RASGEF1C: variants seen among roughly 807,000 people sequenced by gnomAD.
The protein encoded by RASGEF1C is RasGEF domain family member 1C.
Under a neutral mutation model 58.1 loss-of-function variants are expected in RASGEF1C, and 27 were observed. That is an observed-to-expected ratio of 0.46 (90% CI 0.34 to 0.64). RASGEF1C has a LOEUF of 0.64. Among genes scored for constraint, RASGEF1C ranks in the 30% least tolerant of loss-of-function variants. The probability of loss-of-function intolerance (pLI) is 0.01; values close to 1 mark genes in which losing one functional copy is unlikely to be tolerated. For synonymous variants in RASGEF1C, 243 were observed against 246.3 expected (o/e 0.99, Z 0.13); for missense variants, 502 against 605.1 (o/e 0.83, Z 1.79).
chr5:180,202,760 T>G (rs1422088482), intron 1 of RASGEF1C, among the ~76,000 whole-genome samples: 17 of 151,124 alleles, frequency 1.1e-4, no homozygotes, highest in Non-Finnish European at 8.8e-5. Context: ...TGGAGTGCAG[T>G]GGCACAATCT....
At chr5:180,147,036 A>G (rs1471587725) in intron 1 of RASGEF1C, among the ~76,000 whole-genome samples, 1 of 151,748 alleles carries the variant, frequency 6.6e-6, no homozygotes, top group Non-Finnish European at 1.5e-5. Flanking sequence ...TCATGATTTC[A>G]GTTTCTAGGA....
intron 1 of RASGEF1C, among the ~76,000 whole-genome samples, chr5:180,199,857 A>C (rs1406789504): frequency 6.6e-6 from 1 of 152,124 alleles, no homozygotes; most frequent in East Asian, 1.9e-4. Flanking sequence ...ACGTGCATTC[A>C]AATTGTGGTT....
At position 180,168,927 on chromosome 5, in the gene RASGEF1C, C is replaced by T. The variant is rs1767062755; in HGVS notation, c.-6-30869G>A. Among the ~76,000 whole-genome samples, 1 of 152,162 alleles carries T rather than the reference C, an allele frequency of 6.6e-6. No individual in the cohort carries two copies. Among genetic ancestry groups the T allele is most frequent in the Non-Finnish European group, 1.5e-5 (1 of 68,036 alleles). ...GGTTCCATGCTGCCCTGAGTGCAGG[C>T]TTGGCTAGAGCGGGGGAAAAACGGC... On this transcript the variant is annotated intron_variant, in intron 1 of 13. Coordinates refer to ENST00000361132, the MANE Select transcript of RASGEF1C (RefSeq NM_175062.4). The surrounding 1 kb of genome is among the most constrained non-coding windows in gnomAD (Gnocchi z 6.0).
At chr5:180,109,320 T>C (rs1273497972) in intron 12 of RASGEF1C, among the ~76,000 whole-genome samples, 4 of 151,684 alleles carry the variant, frequency 2.6e-5, no homozygotes, top group Admixed American at 6.6e-5. Context: ...TAGCCGGGCG[T>C]GGTGGTGGGT....
intron 1 of RASGEF1C, among the ~76,000 whole-genome samples, chr5:180,153,999 C>T (rs1236154922): frequency 6.6e-6 from 1 of 152,174 alleles, no homozygotes; most frequent in African/African-American, 2.4e-5. Context: ...CCAGAAGCCC[C>T]AGGATGTTTA....
At chr5:180,187,847 A>G (rs927254432) in intron 1 of RASGEF1C, among the ~76,000 whole-genome samples, 1 of 152,240 alleles carries the variant, frequency 6.6e-6, no homozygotes, top group Non-Finnish European at 1.5e-5. Flanking sequence ...ACAGAAAGTG[A>G]TAAGTGTTGA....
intron 1 of RASGEF1C, among the ~76,000 whole-genome samples, chr5:180,174,438 G>A (rs960083002): frequency 6.8e-6 from 1 of 146,496 alleles, no homozygotes; most frequent in Non-Finnish European, 1.5e-5. Flanking sequence ...ACACGTGTGT[G>A]TCTGTGCATG....
At chr5:180,178,659 G>C (rs1767270136) in intron 1 of RASGEF1C, among the ~76,000 whole-genome samples, 1 of 152,044 alleles carries the variant, frequency 6.6e-6, no homozygotes, top group South Asian at 2.1e-4. Context: ...ACTTGAAATA[G>C]AAAGAACCTA....
At position 180,137,902 on chromosome 5, in the gene RASGEF1C, C is replaced by T; in HGVS notation, c.151G>A (p.Val51Met). Residue 51 changes from valine to methionine, a missense_variant, in exon 2 of 14, where the codon GTG (valine) becomes ATG (methionine). Coordinates refer to ENST00000361132, the MANE Select transcript of RASGEF1C (RefSeq NM_175062.4). The surrounding 1 kb of genome is among the most constrained non-coding windows in gnomAD (Gnocchi z 4.1). ...TCGGGGTAGTAGTCGGCTGTGGGCA[C>T]CAGGTGCTGGATCAGTGTTTCCAGG... ...ASLETLIQHL[V>M]PTADYYPEKA... is the part of the protein sequence containing the mutation. 1.2e-6 allele frequency: 2 copies of T among 1,613,098 alleles called. No individual in the cohort carries two copies. Among genetic ancestry groups the T allele is most frequent in the Non-Finnish European group, 1.7e-6 (2 of 1,179,812 alleles).
chr5:180,145,728 T>G (rs192628203), intron 1 of RASGEF1C, among the ~76,000 whole-genome samples: 3 of 152,288 alleles, frequency 2.0e-5, no homozygotes, highest in Non-Finnish European at 4.4e-5. Flanking sequence ...CCCCTGAGAT[T>G]TAAGGAACAA....
At chr5:180,150,207 C>T (rs1344764371) in intron 1 of RASGEF1C, among the ~76,000 whole-genome samples, 2 of 152,168 alleles carry the variant, frequency 1.3e-5, no homozygotes, top group African/African-American at 4.8e-5. Flanking sequence ...TACTTTATAG[C>T]TCCAAAATTT....
intron 6 of RASGEF1C, among the ~76,000 whole-genome samples, chr5:180,121,381 T>C (rs2113256601): frequency 6.6e-6 from 1 of 151,848 alleles, no homozygotes; most frequent in East Asian, 1.9e-4. Flanking sequence ...TGGCGCGATC[T>C]CGGCTCACTG....
chr5:180,178,430 C>A (rs112286626), intron 1 of RASGEF1C, among the ~76,000 whole-genome samples: 10 of 151,692 alleles, frequency 6.6e-5, no homozygotes, highest in Non-Finnish European at 1.2e-4. Context: ...CAGGCATGTA[C>A]TACCACTCCA....
Position 180,177,587 on chromosome 5 carries a change from G to T in RASGEF1C, c.-7+31441C>A, listed in dbSNP as rs1405523465. ...TTCCCTCTGAAAACAGAGCCCATTT[G>T]TCCTTCCTCTCCTGCCCGTGGTAGG... On this transcript the variant is annotated intron_variant, in intron 1 of 13. Coordinates refer to ENST00000361132, the MANE Select transcript of RASGEF1C (RefSeq NM_175062.4). This position sits in a 1 kb window ranked among gnomAD's most constrained non-coding sequence, Gnocchi z 5.0. Among the ~76,000 whole-genome samples the T allele has an allele frequency of 6.6e-6, 1 of 152,186 alleles. No homozygotes were observed. The highest frequency in any genetic ancestry group is 1.5e-5 in the Non-Finnish European group (1 of 68,040).
intron 6 of RASGEF1C, 57 bp downstream of exon 6, chr5:180,127,552 G>A (rs1282682237): frequency 6.6e-7 from 1 of 1,510,364 alleles, no homozygotes; most frequent in Admixed American, 2.1e-5. Flanking sequence ...GCTCCCCGGA[G>A]AGCGGCCAGT....
At position 180,168,006 on chromosome 5, in the gene RASGEF1C, T is replaced by A. The variant is rs2113307083; in HGVS notation, c.-6-29948A>T. 6.6e-6 allele frequency among the ~76,000 whole-genome samples: 1 copy of A among 152,360 alleles called. No homozygotes were observed. The highest frequency in any genetic ancestry group is 1.5e-5 in the Non-Finnish European group (1 of 68,038). Reference sequence around the variant, plus strand: ...GCTACCTAGCGGCCAGTCTGAGACCTGGGCCGTGTTTTATTTTGTACTATA... The same window carrying A: ...GCTACCTAGCGGCCAGTCTGAGACCAGGGCCGTGTTTTATTTTGTACTATA... On this transcript the variant is annotated intron_variant, in intron 1 of 13. Coordinates refer to ENST00000361132, the MANE Select transcript of RASGEF1C (RefSeq NM_175062.4). This position sits in a 1 kb window ranked among gnomAD's most constrained non-coding sequence, Gnocchi z 6.0.
At chr5:180,128,370 G>C (rs773560999) in intron 5 of RASGEF1C, 40 bp downstream of exon 5, 2 of 1,565,120 alleles carry the variant, frequency 1.3e-6, no homozygotes, top group Admixed American at 1.7e-5. Flanking sequence ...TGTGTGTCCT[G>C]CTGAATCCCG....
chr5:180,174,568 G>A (rs1001089203), intron 1 of RASGEF1C, among the ~76,000 whole-genome samples: 32 of 145,678 alleles, frequency 2.2e-4, no homozygotes, highest in East Asian at 2.0e-4. Flanking sequence ...GTGTGTGCAC[G>A]TGTGTCTGTG....
intron 1 of RASGEF1C, among the ~76,000 whole-genome samples, chr5:180,184,728 G>C (rs955021822): frequency 2.6e-5 from 4 of 152,180 alleles, no homozygotes; most frequent in African/African-American, 9.7e-5. Context: ...AAAAAGGAAA[G>C]AGAGCTGGTA....
Sources: allele counts gnomAD v4.1 joint callset (sites outside exome capture counted in the v4.1 genomes callset), GRCh38; gene constraint gnomAD v4.1.1; non-coding constraint Gnocchi (gnomAD v3.1); transcripts MANE v1.5; gene names NCBI Gene and HGNC (gene_info 2026-07-23, HGNC 2026-07-21).